HSD17B12: variants seen among roughly 807,000 people sequenced by gnomAD.
The protein encoded by HSD17B12 is hydroxysteroid 17-beta dehydrogenase 12, also known as very-long-chain 3-oxoacyl-CoA reductase.
In HSD17B12, 32 loss-of-function variants were observed where a neutral mutation model predicts 39.3. The ratio of observed to expected loss-of-function variants is 0.81; its 90% confidence interval spans 0.61 to 1.09. The LOEUF is 1.09. HSD17B12 is among the 50% of genes least tolerant of loss of function. HSD17B12 has a pLI of 0.00. For synonymous variants in HSD17B12, 150 were observed against 146.7 expected, an observed-to-expected ratio of 1.02 and a Z score of -0.16; for missense variants, 342 against 382.9, an observed-to-expected ratio of 0.89 and a Z score of 0.89.
At chr11:43,755,579 T>G (rs1356046239) in intron 3 of HSD17B12, 5 of 152,238 alleles carry the variant, frequency 3.3e-5, no homozygotes, top group African/African-American at 1.2e-4. Context: ...AGCTAACAGA[T>G]CGTCCAAATT....
rs1949734182 is a variant in HSD17B12 at position 43,680,746 on chromosome 11, C to T, written c.-82C>T. On this transcript the variant is annotated 5_prime_UTR_variant, in exon 1 of 11. Coordinates refer to ENST00000278353, the MANE Select transcript of HSD17B12 (RefSeq NM_016142.3). ...GAGCAGCGCCTATTAGTGTCATCCT[C>T]ACCGTCACGGCCGGCGCCTCCTCCT... 3.1e-6 allele frequency: 4 copies of T among 1,289,480 alleles called. No individual in the cohort carries two copies. In the South Asian group the frequency reaches 3.6e-5, roughly 12 times the overall value. 79.9% of individuals were successfully genotyped at this position (1,289,480 alleles called of 1,614,324 possible).
the HSD17B12 span, among the ~76,000 whole-genome samples, chr11:43,632,162 T>G: frequency 6.6e-6 from 1 of 152,220 alleles, no homozygotes; most frequent in African/African-American, 2.4e-5. Flanking sequence ...GTCTTTGTCA[T>G]CTATTTAAGG....
the HSD17B12 span, among the ~76,000 whole-genome samples, chr11:43,583,835 C>T: frequency 1.3e-5 from 2 of 152,256 alleles, no homozygotes; most frequent in South Asian, 4.2e-4. Context: ...AGCAGCACCT[C>T]AGGAACCCTC....
intron 1 of HSD17B12, among the ~76,000 whole-genome samples, chr11:43,726,650 AAAG>A (rs1950222502): frequency 6.6e-6 from 1 of 152,198 alleles, no homozygotes; most frequent in East Asian, 1.9e-4. Flanking sequence ...CTCTTAAATG[AAAG>A]AAGAATTTTC....
At chr11:43,821,841 G>A (rs1951186138) in intron 6 of HSD17B12, among the ~76,000 whole-genome samples, 1 of 152,122 alleles carries the variant, frequency 6.6e-6, no homozygotes, top group African/African-American at 2.4e-5. Context: ...ACCAAATTTG[G>A]GGTTGCCTTG....
chr11:43,567,298 A>G, the HSD17B12 span, among the ~76,000 whole-genome samples: 11 of 152,282 alleles, frequency 7.2e-5, no homozygotes, highest in South Asian at 1.0e-3. Context: ...TCAGCCTCCG[A>G]TCTCCTGGGA....
At chr11:43,721,451 T>A (rs1950175366) in intron 1 of HSD17B12, among the ~76,000 whole-genome samples, 1 of 152,022 alleles carries the variant, frequency 6.6e-6, no homozygotes, top group Non-Finnish European at 1.5e-5. Flanking sequence ...ACCCCATCTC[T>A]ACTAAAAATA....
chr11:43,620,577 A>T, the HSD17B12 span, among the ~76,000 whole-genome samples: 1 of 152,238 alleles, frequency 6.6e-6, no homozygotes, highest in Non-Finnish European at 1.5e-5. Flanking sequence ...TGGTCATGGA[A>T]AATTACATTC....
intron 6 of HSD17B12, among the ~76,000 whole-genome samples, chr11:43,828,753 C>A (rs2135106598): frequency 6.6e-6 from 1 of 152,246 alleles, no homozygotes; most frequent in African/African-American, 2.4e-5. Flanking sequence ...CTGGTATATT[C>A]ATATAAATAA....
At chr11:43,596,018 C>T in the HSD17B12 span, among the ~76,000 whole-genome samples, 1 of 152,198 alleles carries the variant, frequency 6.6e-6, no homozygotes, top group African/African-American at 2.4e-5. Context: ...ACCCTCAAGA[C>T]CATCCAGCCC....
At chr11:43,668,067 AAC>A in the HSD17B12 span, among the ~76,000 whole-genome samples, 6 of 151,416 alleles carry the variant, frequency 4.0e-5, no homozygotes, top group African/African-American at 4.8e-5. Flanking sequence ...TTCCTTACGG[AAC>A]ACACACACAC....
At chr11:43,572,023 T>A in the HSD17B12 span, among the ~76,000 whole-genome samples, 1 of 152,330 alleles carries the variant, frequency 6.6e-6, no homozygotes, top group Admixed American at 6.5e-5. Flanking sequence ...CTAGGATGAC[T>A]AGCTAACTCA....
At chr11:43,712,335 G>C (rs1210038680) in intron 1 of HSD17B12, among the ~76,000 whole-genome samples, 2 of 152,050 alleles carry the variant, frequency 1.3e-5, no homozygotes, top group Non-Finnish European at 2.9e-5. Context: ...GCTGAGGCAG[G>C]AGAATTGCTT....
the HSD17B12 span, among the ~76,000 whole-genome samples, chr11:43,650,085 A>G: frequency 6.6e-6 from 1 of 152,186 alleles, no homozygotes; most frequent in Admixed American, 6.5e-5. Context: ...TCATGAGCCA[A>G]ATAAAATGGT....
chr11:43,588,594 C>A, the HSD17B12 span, among the ~76,000 whole-genome samples: 10 of 135,470 alleles, frequency 7.4e-5, no homozygotes, highest in Non-Finnish European at 1.1e-4. Flanking sequence ...AAAATGTTAG[C>A]TATTATTATT....
chr11:43,754,472 A>G (rs1249036447), intron 3 of HSD17B12, among the ~76,000 whole-genome samples: 2 of 152,148 alleles, frequency 1.3e-5, no homozygotes, highest in Non-Finnish European at 2.9e-5. Flanking sequence ...GCTACTCAGG[A>G]GGCTGAGGCA....
chr11:43,644,554 C>G, the HSD17B12 span: 2 of 152,522 alleles, frequency 1.3e-5, no homozygotes, highest in African/African-American at 2.4e-5. Context: ...GTTGTGCTTT[C>G]TGTGTTGTGG....
At chr11:43,660,867 G>A in the HSD17B12 span, among the ~76,000 whole-genome samples, 2 of 152,222 alleles carry the variant, frequency 1.3e-5, no homozygotes. Context: ...GCTTATGCCT[G>A]TAATCCCAAC....
chr11:43,656,185 A>G, the HSD17B12 span, among the ~76,000 whole-genome samples: 4 of 152,160 alleles, frequency 2.6e-5, no homozygotes, highest in South Asian at 6.2e-4. Context: ...TTTCTAGTTT[A>G]TTTGCGTAGA....
Sources: allele counts gnomAD v4.1 joint callset (sites outside exome capture counted in the v4.1 genomes callset), GRCh38; gene constraint gnomAD v4.1.1; transcripts MANE v1.5; gene names NCBI Gene and HGNC (gene_info 2026-07-23, HGNC 2026-07-21).